PRKCZ: variants seen among roughly 807,000 people sequenced by gnomAD.
PRKCZ encodes the protein protein kinase C zeta.
Under a neutral mutation model 79.5 loss-of-function variants are expected in PRKCZ, and 33 were observed. That is an observed-to-expected ratio of 0.41 (90% CI 0.31 to 0.55). The LOEUF (loss-of-function observed/expected upper bound fraction) is 0.55, where lower values mean the gene tolerates loss of function less well. PRKCZ is among the 20% of genes least tolerant of loss of function. The probability of loss-of-function intolerance (pLI) is 0.19; values close to 1 mark genes in which losing one functional copy is unlikely to be tolerated. For synonymous variants in PRKCZ, 342 were observed against 320.9 expected (o/e 1.07, Z -0.70); for missense variants, 578 against 813.5 (o/e 0.71, Z 3.52).
intron 5 of PRKCZ, among the ~76,000 whole-genome samples, chr1:2,138,630 A>G (rs934943593): frequency 2.0e-5 from 3 of 150,460 alleles, no homozygotes; most frequent in Non-Finnish European, 4.4e-5. Flanking sequence ...CGGCAGGTGG[A>G]TTGAGGTTAA....
chr1:2,075,561 C>A lies in PRKCZ; in HGVS notation c.334+15970C>A, dbSNP rs1662250020. ...GCCATCAGTGGGGGCCCTTCTCCGA[C>A]CGTCTTCCTAGACTTCAGAGCCACT... On this transcript the variant is annotated intron_variant, in intron 4 of 17. Transcript: ENST00000378567. The surrounding 1 kb of genome is among the most constrained non-coding windows in gnomAD (Gnocchi z 4.8). Among the ~76,000 whole-genome samples the A allele has an allele frequency of 2.0e-5, 3 of 152,240 alleles. No individual in the cohort carries two copies. Among genetic ancestry groups the A allele is most frequent in the Admixed American group, 2.0e-4 (3 of 15,282 alleles).
intron 4 of PRKCZ, among the ~76,000 whole-genome samples, chr1:2,108,738 G>C (rs1027205020): frequency 1.3e-5 from 2 of 152,228 alleles, no homozygotes; most frequent in African/African-American, 4.8e-5. Context: ...CTGCCTGTCC[G>C]TCTTGCCTGG....
At position 2,051,051 on chromosome 1, in the gene PRKCZ, T is replaced by C. The variant is rs1476893415; in HGVS notation, c.71+350T>C. On this transcript the variant is annotated intron_variant, in intron 1 of 17. Coordinates refer to ENST00000378567, the MANE Select transcript of PRKCZ (RefSeq NM_002744.6). ...GTTTTCATCAAGTTGTGAAAACTCCTGGCGGGTTTCTTAAAATCAGCGTTT... is the reference window on the plus strand; with the variant it reads ...GTTTTCATCAAGTTGTGAAAACTCCCGGCGGGTTTCTTAAAATCAGCGTTT... 1.8e-5 allele frequency: 4 copies of C among 216,756 alleles called. No homozygotes were observed. The Admixed American group carries it at 2.3e-4, about 13-fold the overall frequency. The allele number at this position is 216,756 out of a possible 1,614,324, so 13.4% of individuals were successfully genotyped here.
chr1:2,053,651 C>G (rs1168154885), intron 1 of PRKCZ, among the ~76,000 whole-genome samples: 2 of 152,152 alleles, frequency 1.3e-5, no homozygotes, highest in Admixed American at 6.5e-5. Flanking sequence ...CTAGATTGGC[C>G]GGAAACTGGC....
chr1:2,164,308 T>G (rs1682911865), intron 10 of PRKCZ, among the ~76,000 whole-genome samples: 1 of 87,452 alleles, frequency 1.1e-5, no homozygotes, highest in South Asian at 3.9e-4. Context: ...AGGGACCCTT[T>G]ATTGGGTCCA....
intron 4 of PRKCZ, among the ~76,000 whole-genome samples, chr1:2,091,960 G>A (rs1196189342): frequency 6.6e-6 from 1 of 152,212 alleles, no homozygotes; most frequent in Non-Finnish European, 1.5e-5. Flanking sequence ...TATTTAAGGA[G>A]AAGACTCATG....
intron 4 of PRKCZ, among the ~76,000 whole-genome samples, chr1:2,097,244 C>T (rs79429680): frequency 0.023 from 3,479 of 152,308 alleles, 137 homozygotes; most frequent in African/African-American, 0.076. Context: ...CTCTTGCTGT[C>T]GTCCGGTGCA....
At position 2,139,505 on chromosome 1, in the gene PRKCZ, C is replaced by T. The variant is rs147724061; in HGVS notation, c.420+4158C>T. The stretch of plus-strand genomic sequence containing the variant: ...CTCGGGAGGCTGAGGCAGAGAATTG[C>T]TTGAACCCGGGAGGCAGAGGTTGTA... On this transcript the variant is annotated intron_variant, in intron 5 of 17. Transcript: ENST00000378567. Among the ~76,000 whole-genome samples the T allele has an allele frequency of 2.3e-3, 351 of 152,258 alleles. 3 individuals are homozygous for T. In the East Asian group the frequency reaches 0.028, roughly 12 times the overall value.
intron 7 of PRKCZ, among the ~76,000 whole-genome samples, chr1:2,148,256 TG>T: frequency 6.6e-6 from 1 of 151,456 alleles, no homozygotes; most frequent in Non-Finnish European, 1.5e-5. Flanking sequence ...TGTTGTCCAC[TG>T]ACCTCTCCAT....
chr1:2,163,313 G>T (rs561980137), intron 10 of PRKCZ, among the ~76,000 whole-genome samples: 68 of 152,366 alleles, frequency 4.5e-4, no homozygotes, highest in Admixed American at 1.4e-3. Flanking sequence ...CTGCAGCCGT[G>T]GAACTGGGTT....
At chr1:2,096,029 CG>C (rs1417049755) in intron 4 of PRKCZ, among the ~76,000 whole-genome samples, 1 of 150,906 alleles carries the variant, frequency 6.6e-6, no homozygotes, top group Non-Finnish European at 1.5e-5. Flanking sequence ...GTGTGGGGGC[CG>C]GGCCTGTCTG....
At chr1:2,137,137 C>T (rs1032870648) in intron 5 of PRKCZ, among the ~76,000 whole-genome samples, 2 of 152,188 alleles carry the variant, frequency 1.3e-5, no homozygotes, top group Non-Finnish European at 1.5e-5. Context: ...CGGCAAACCA[C>T]TAATAAGTCC....
At chr1:2,116,950 G>A (rs187219171) in intron 4 of PRKCZ, among the ~76,000 whole-genome samples, 6 of 152,106 alleles carry the variant, frequency 3.9e-5, no homozygotes, top group Admixed American at 1.3e-4. Context: ...GGGTTTTTTT[G>A]GCAGGGGAGT....
At chr1:2,079,693 G>A (rs1033966920) in intron 4 of PRKCZ, among the ~76,000 whole-genome samples, 3 of 152,206 alleles carry the variant, frequency 2.0e-5, no homozygotes, top group Admixed American at 6.5e-5. Flanking sequence ...TGCTGGCAGC[G>A]GTTGGTGATA....
At position 2,056,650 on chromosome 1, in the gene PRKCZ, T is replaced by G. The variant is rs964164581; in HGVS notation, c.283+77T>G. The G allele has an allele frequency of 6.6e-5, 81 of 1,229,428 alleles. 1 individual carries two copies. Among genetic ancestry groups the G allele is most frequent in the Middle Eastern group, 2.0e-4 (1 of 5,040 alleles). 76.2% of individuals were successfully genotyped at this position (1,229,428 alleles called of 1,614,324 possible). A position where few individuals can be genotyped will look rare whatever the true frequency, so the allele number is the denominator to read the frequency against. ...GGGTGTCTGCCGACTAGCTGGGGGA[T>G]TTAAAATGGTTTAAAATCCTATGAT... On this transcript the variant is annotated intron_variant, in intron 3 of 17. Coordinates refer to ENST00000378567, the MANE Select transcript of PRKCZ (RefSeq NM_002744.6).
At chr1:2,085,940 T>C (rs1472177333) in intron 4 of PRKCZ, among the ~76,000 whole-genome samples, 1 of 152,200 alleles carries the variant, frequency 6.6e-6, no homozygotes, top group Non-Finnish European at 1.5e-5. Context: ...CCTTCTCCTG[T>C]CTGGGTTGGC....
chr1:2,050,554 C>G lies in PRKCZ; in HGVS notation c.-77C>G. ...GCTGCCTTCCGCGTTCCGCCGCGGC[C>G]CCACCTGGAGCCCCCGCCCCGCGCC... On this transcript the variant is annotated 5_prime_UTR_variant, in exon 1 of 18. Coordinates refer to ENST00000378567, the MANE Select transcript of PRKCZ (RefSeq NM_002744.6). The G allele has an allele frequency of 1.0e-6, 1 of 958,844 alleles. No homozygotes were observed. The highest frequency in any genetic ancestry group is 1.3e-6 in the Non-Finnish European group (1 of 745,844). 59.4% of individuals were successfully genotyped at this position (958,844 alleles called of 1,614,324 possible). A position where few individuals can be genotyped will look rare whatever the true frequency, so the allele number is the denominator to read the frequency against.
rs369687025 is a variant in PRKCZ at position 2,056,273 on chromosome 1, C to T, written c.194-211C>T. On this transcript the variant is annotated intron_variant, in intron 2 of 17. Transcript: ENST00000378567. ...GCTGCAGGTGTACTGACTTCCCTTC[C>T]GGGGTGGCTCTGACGCTGCACCGGG... Among the ~76,000 whole-genome samples, 9 of 152,344 alleles carry T rather than the reference C, an allele frequency of 5.9e-5. No homozygotes were observed. In the South Asian group the frequency reaches 1.0e-3, roughly 18 times the overall value.
intron 3 of PRKCZ, among the ~76,000 whole-genome samples, chr1:2,059,328 CTCTAAGTTTT>C (rs753879596): frequency 1.3e-5 from 2 of 152,222 alleles, no homozygotes; most frequent in South Asian, 2.1e-4. Flanking sequence ...TTGCCTTTTA[CTCTAAGTTTT>C]TCCGTGGGTT....
Sources: allele counts gnomAD v4.1 joint callset (sites outside exome capture counted in the v4.1 genomes callset), GRCh38; gene constraint gnomAD v4.1.1; non-coding constraint Gnocchi (gnomAD v3.1); transcripts MANE v1.5; gene names NCBI Gene and HGNC (gene_info 2026-07-23, HGNC 2026-07-21).